Variants in TMEM181 observed in about 807,000 individuals in gnomAD.
TMEM181 encodes G protein-coupled receptor 178.
In TMEM181, 39 loss-of-function variants were observed where a neutral mutation model predicts 71.9. The observed-to-expected ratio is 0.54, with a 90% confidence interval of 0.42 to 0.71. The LOEUF (loss-of-function observed/expected upper bound fraction) is 0.71, where lower values mean the gene tolerates loss of function less well. TMEM181 is among the 30% of genes least tolerant of loss of function. TMEM181 has a pLI of 0.00. For missense variants in TMEM181, 595 were observed against 583.0 expected, an observed-to-expected ratio of 1.02 and a Z score of -0.21; for synonymous variants, 245 against 228.8, an observed-to-expected ratio of 1.07 and a Z score of -0.64.
chr6:158,611,587 C>A (rs897517805), intron 10 of TMEM181: 5 of 382,616 alleles, frequency 1.3e-5, no homozygotes, highest in Non-Finnish European at 2.6e-5. Context: ...GAAGCTATTT[C>A]TTCTAGAAAG....
rs561457979 is a variant in TMEM181 at position 158,581,912 on chromosome 6, A to G, written c.168+917A>G. ...TTGTGTGTGAAACATAACTTTACCTATAAACTGAACACAGTTGCCCTGTAT... is the reference window on the plus strand; with the variant it reads ...TTGTGTGTGAAACATAACTTTACCTGTAAACTGAACACAGTTGCCCTGTAT... On this transcript the variant is annotated intron_variant, in intron 3 of 16. Coordinates refer to ENST00000684151, the MANE Select transcript of TMEM181 (RefSeq NM_001376852.1). 2.0e-5 allele frequency among the ~76,000 whole-genome samples: 3 copies of G among 152,224 alleles called. No individual in the cohort carries two copies. The South Asian group carries it at 6.2e-4, about 32-fold the overall frequency.
At chr6:158,555,794 G>A (rs917074812), upstream of TMEM181, among the ~76,000 whole-genome samples, 2 of 152,176 alleles carry the variant, frequency 1.3e-5, no homozygotes, top group African/African-American at 4.8e-5. Context: ...GTCAGCGAAT[G>A]TCAGGAGTTT....
At chr6:158,626,759 A>G in intron 13 of TMEM181, 1 of 456,810 alleles carries the variant, frequency 2.2e-6, no homozygotes. Flanking sequence ...CAACCTCACA[A>G]CCTCACATAG....
intron 10 of TMEM181, among the ~76,000 whole-genome samples, chr6:158,618,795 T>C (rs1785778235): frequency 6.6e-6 from 1 of 152,252 alleles, no homozygotes; most frequent in African/African-American, 2.4e-5. Context: ...AAAAGTGTTT[T>C]CTTTAAGAAT....
In TMEM181 at chr6:158,539,803, G is replaced by T. The variant is rs78509804; in HGVS notation, c.131+2938G>T. 3.5e-3 allele frequency among the ~76,000 whole-genome samples: 533 copies of T among 152,302 alleles called. 5 individuals carry two copies. Among genetic ancestry groups the T allele is most frequent in the African/African-American group, 0.012 (501 of 41,568 alleles). On this transcript the variant is annotated intron_variant, in intron 1 of 16. Transcript: ENST00000367090. ...AATAGGCCAGGGATCTGAAATCCTG[G>T]TTCTAGCCCCAGTTCCACTCCTTGC...
At chr6:158,571,258 G>A (rs372963332) in intron 1 of TMEM181, among the ~76,000 whole-genome samples, 26 of 152,126 alleles carry the variant, frequency 1.7e-4, no homozygotes, top group East Asian at 1.2e-3. Context: ...CACCGCGCCC[G>A]GCTAATTTTT....
chr6:158,556,270 A>C (rs1474539584), upstream of TMEM181, among the ~76,000 whole-genome samples: 5 of 152,262 alleles, frequency 3.3e-5, no homozygotes, highest in Non-Finnish European at 7.3e-5. Context: ...AAGCTGTGCC[A>C]GCAGAGTTCA....
chr6:158,573,193 A>C (rs1782971662), intron 1 of TMEM181, among the ~76,000 whole-genome samples: 1 of 151,896 alleles, frequency 6.6e-6, no homozygotes, highest in South Asian at 2.1e-4. Flanking sequence ...TGGTGTGTCC[A>C]CGGACCCTCT....
At chr6:158,602,638 C>T (rs1393824871) in intron 6 of TMEM181, among the ~76,000 whole-genome samples, 5 of 151,586 alleles carry the variant, frequency 3.3e-5, no homozygotes, top group African/African-American at 1.2e-4. Flanking sequence ...TGAGATGGGA[C>T]CTTGCTCTGT....
At chr6:158,607,406 G>A in intron 8 of TMEM181, 63 bp downstream of exon 8, 1 of 1,474,416 alleles carries the variant, frequency 6.8e-7, no homozygotes, top group Non-Finnish European at 9.5e-7. Context: ...GAGGCCAGGT[G>A]CAGGGTTGTG....
chr6:158,559,171 T>C (rs1414204541), upstream of TMEM181, among the ~76,000 whole-genome samples: 2 of 152,072 alleles, frequency 1.3e-5, no homozygotes, highest in Admixed American at 6.6e-5. Flanking sequence ...CTCTGCATTC[T>C]GTCCCCTACC....
At chr6:158,572,755 T>G (rs1782935010) in intron 1 of TMEM181, among the ~76,000 whole-genome samples, 1 of 152,164 alleles carries the variant, frequency 6.6e-6, no homozygotes, top group African/African-American at 2.4e-5. Context: ...GCGAGTGAGT[T>G]TCCCTGTCTG....
At chr6:158,552,589 T>C (rs116306197) in intron 1 of TMEM181, among the ~76,000 whole-genome samples, 221 of 152,308 alleles carry the variant, frequency 1.5e-3, no homozygotes, top group African/African-American at 5.1e-3. Context: ...AAGATAAACA[T>C]TTTAGCATTG....
chr6:158,557,842 ATTGT>A (rs1781960952), upstream of TMEM181, among the ~76,000 whole-genome samples: 1 of 152,164 alleles, frequency 6.6e-6, no homozygotes, highest in Non-Finnish European at 1.5e-5. Context: ...TATTTAGGTT[ATTGT>A]TTGTTCTTGA....
intron 16 of TMEM181, 96 bp downstream of exon 16, chr6:158,631,485 A>G (rs998706460): frequency 1.5e-6 from 2 of 1,335,982 alleles, no homozygotes; most frequent in Non-Finnish European, 2.1e-6. Flanking sequence ...ATTATTTTCA[A>G]GGTATGAAGG....
At chr6:158,547,444 G>A (rs1562613683) in intron 1 of TMEM181, among the ~76,000 whole-genome samples, 1 of 152,124 alleles carries the variant, frequency 6.6e-6, no homozygotes, top group South Asian at 2.1e-4. Flanking sequence ...TTGCTTCTCT[G>A]TCTTTTCGTC....
At chr6:158,579,630 A>G (rs376451238) in intron 2 of TMEM181, among the ~76,000 whole-genome samples, 151 of 151,998 alleles carry the variant, frequency 9.9e-4, no homozygotes, top group African/African-American at 3.4e-3. Flanking sequence ...GAGGCAGGAG[A>G]ATCGCTTGAA....
intron 10 of TMEM181, chr6:158,609,996 A>C (rs1785201032): frequency 4.5e-6 from 1 of 222,644 alleles, no homozygotes; most frequent in Non-Finnish European, 9.6e-6. Context: ...CAGGGGTTCC[A>C]TGGCCAGGTA....
At chr6:158,571,738 T>C (rs938627951) in intron 1 of TMEM181, among the ~76,000 whole-genome samples, 2 of 152,130 alleles carry the variant, frequency 1.3e-5, no homozygotes, top group African/African-American at 2.4e-5. Flanking sequence ...CCCAGAGGAG[T>C]TGGTGTAGGT....
Sources: gnomAD v4.1 joint callset for allele counts (sites outside exome capture counted in the v4.1 genomes callset) on GRCh38, gnomAD v4.1.1 for gene constraint, MANE v1.5 for transcripts, NCBI Gene and HGNC (gene_info 2026-07-23, HGNC 2026-07-21) for gene names.